The following CEP164 variants were observed in gnomAD, a reference collection of about 807,000 sequenced individuals.
The protein encoded by CEP164 is centrosomal protein 164.
A neutral mutation model predicts 182.7 loss-of-function variants in CEP164; 162 were observed. The observed-to-expected ratio is 0.89, with a 90% CI of 0.78 to 1.01. CEP164 has a LOEUF of 1.01. CEP164 is among the 50% of genes least tolerant of loss of function. The pLI is 0.00. For synonymous variants in CEP164, 661 were observed against 690.0 expected (o/e 0.96, Z 0.66); for missense variants, 1,735 against 1,790.4 (o/e 0.97, Z 0.56).
intron 5 of CEP164, among the ~76,000 whole-genome samples, chr11:117,360,742 A>G (rs1486804603): frequency 1.3e-5 from 2 of 152,152 alleles, no homozygotes; most frequent in Non-Finnish European, 2.9e-5. Flanking sequence ...GGCATATAAG[A>G]AAGTATAGCA....
At chr11:117,359,197 G>C (rs750056549) in intron 5 of CEP164, among the ~76,000 whole-genome samples, 1 of 152,212 alleles carries the variant, frequency 6.6e-6, no homozygotes, top group East Asian at 1.9e-4. Context: ...GCCTGCCTCA[G>C]CCTCTCAAAG....
At chr11:117,328,491 G>T (rs1333343993) in intron 1 of CEP164, among the ~76,000 whole-genome samples, 1 of 152,114 alleles carries the variant, frequency 6.6e-6, no homozygotes, top group African/African-American at 2.4e-5. Flanking sequence ...TGGCTTCAGC[G>T]ACTCCCTGTC....
At chr11:117,378,171 C>G (rs186706518) in intron 11 of CEP164, among the ~76,000 whole-genome samples, 187 of 152,224 alleles carry the variant, frequency 1.2e-3, no homozygotes, top group African/African-American at 4.0e-3. Flanking sequence ...GCTCGGCAAA[C>G]ATAATACATT....
chr11:117,374,797 A>G (rs1310327046), intron 10 of CEP164, among the ~76,000 whole-genome samples: 2 of 152,126 alleles, frequency 1.3e-5, no homozygotes, highest in African/African-American at 4.8e-5. Flanking sequence ...TTCTCTATGG[A>G]AGTAGATGGA....
At chr11:117,396,393 C>T (rs1038941799) in intron 25 of CEP164, among the ~76,000 whole-genome samples, 157 bp from the exon 26 acceptor site, 5 of 152,162 alleles carry the variant, frequency 3.3e-5, no homozygotes, top group African/African-American at 7.2e-5. Context: ...AGCTACCAGT[C>T]GTCTCCACCA....
intron 5 of CEP164, chr11:117,359,484 C>T (rs1311800773): frequency 4.1e-6 from 4 of 985,276 alleles, no homozygotes; most frequent in East Asian, 1.1e-4. Flanking sequence ...ACCTTACTTT[C>T]CTGATGAGCA....
chr11:117,345,839 C>T lies in CEP164; in HGVS notation c.194+1562C>T, dbSNP rs542096993. 2.6e-5 allele frequency among the ~76,000 whole-genome samples: 4 copies of T among 152,200 alleles called. No homozygotes were observed. In the East Asian group the frequency reaches 7.8e-4, roughly 30 times the overall value. ...AGTAGCTGGGATTACAGGCATGCAC[C>T]ACCACACCTGGCTAATTTTGTATTT... On this transcript the variant is annotated intron_variant, in intron 4 of 32. Coordinates refer to ENST00000278935, the MANE Select transcript of CEP164 (RefSeq NM_014956.5).
At chr11:117,404,519 C>T (rs1260266693) in intron 27 of CEP164, among the ~76,000 whole-genome samples, 1 of 152,216 alleles carries the variant, frequency 6.6e-6, no homozygotes, top group Admixed American at 6.5e-5. Flanking sequence ...TTTCCTTCCT[C>T]TGGAAGCTTT....
In CEP164 at chr11:117,412,246, C is replaced by G. The variant is rs1278507968; in HGVS notation, c.*78C>G. 9.0e-6 allele frequency: 12 copies of G among 1,333,886 alleles called. No individual in the cohort carries two copies. The African/African-American group carries it at 1.8e-4, about 20-fold the overall frequency. 82.6% of individuals were successfully genotyped at this position (1,333,886 alleles called of 1,614,324 possible). On this transcript the variant is annotated 3_prime_UTR_variant, in exon 33 of 33. Coordinates refer to ENST00000278935, the MANE Select transcript of CEP164 (RefSeq NM_014956.5). ...TGCCTGAGGAGCTGCCTGCCTTCTT[C>G]CATCTGAGAAAGCACCCTCCTTCCC... is the stretch of plus-strand genomic sequence containing the variant.
At chr11:117,389,800 T>C (rs2044387010) in intron 15 of CEP164, among the ~76,000 whole-genome samples, 1 of 152,118 alleles carries the variant, frequency 6.6e-6, no homozygotes, top group Admixed American at 6.6e-5. Context: ...ACAGAGTCTG[T>C]CGGAGTGAAA....
intron 8 of CEP164, among the ~76,000 whole-genome samples, chr11:117,366,418 T>C (rs1271049707): frequency 6.6e-6 from 1 of 152,056 alleles, no homozygotes; most frequent in African/African-American, 2.4e-5. Flanking sequence ...TCCTCCCTCC[T>C]CTCCTGCTTT....
Position 117,371,201 on chromosome 11 carries a change from C to T in CEP164, c.887C>T (p.Ala296Val). The T allele has an allele frequency of 1.9e-6, 3 of 1,614,220 alleles. No individual in the cohort carries two copies. Among genetic ancestry groups the T allele is most frequent in the Non-Finnish European group, 2.5e-6 (3 of 1,180,046 alleles). The change falls in exon 9 of 33, where the codon GCT (alanine) becomes GTT (valine). Residue 296 changes from alanine (A) to valine (V), a missense_variant. Ala to Val is a moderately conservative substitution (Grantham distance 64). Coordinates refer to ENST00000278935, the MANE Select transcript of CEP164 (RefSeq NM_014956.5). ...GGTGCAGACAGCAGTCTGAGCAGTG[C>T]TGTTGGCAAAGGGCGACAGGGAAGT... ...SPGADSSLSS[A>V]VGKGRQGSGA...
intron 9 of CEP164, among the ~76,000 whole-genome samples, chr11:117,373,167 G>A (rs1184003071): frequency 6.6e-6 from 1 of 152,052 alleles, no homozygotes; most frequent in Admixed American, 6.5e-5. Context: ...TCAGGAGTTC[G>A]AGATCACTGG....
chr11:117,357,435 T>C (rs1317569067), intron 5 of CEP164, among the ~76,000 whole-genome samples: 1 of 125,174 alleles, frequency 8.0e-6, no homozygotes, highest in Non-Finnish European at 1.7e-5. Flanking sequence ...TTTTTTTTTT[T>C]TTTTTTTTGA....
chr11:117,373,139 C>T (rs1393796904), intron 9 of CEP164, among the ~76,000 whole-genome samples: 2 of 152,158 alleles, frequency 1.3e-5, no homozygotes, highest in South Asian at 2.1e-4. Flanking sequence ...GAGGCCAAGG[C>T]GGGTGGATCA....
chr11:117,406,288 GC>G (rs984248950), intron 27 of CEP164, among the ~76,000 whole-genome samples: 5 of 152,170 alleles, frequency 3.3e-5, no homozygotes, highest in Non-Finnish European at 7.4e-5. Context: ...TGAGGAAGAA[GC>G]AAAAGCAGAA....
rs758646071 is a variant in CEP164, at chr11:117,387,992, T to C, written c.1934+580T>C. Among the ~76,000 whole-genome samples, 61 of 152,234 alleles carry C rather than the reference T, an allele frequency of 4.0e-4. 1 individual carries two copies. The highest frequency in any genetic ancestry group is 7.6e-4 in the Non-Finnish European group (52 of 68,032). ...TAGGGTCTGTCCTTATATCACATCC[T>C]TGTGGGTCCTCCACCAGGGAGCATC... On this transcript the variant is annotated intron_variant, in intron 15 of 32. Transcript: ENST00000278935.
intron 8 of CEP164, among the ~76,000 whole-genome samples, chr11:117,369,609 C>G (rs1007686660): frequency 7.9e-5 from 12 of 152,326 alleles, no homozygotes; most frequent in African/African-American, 2.9e-4. Flanking sequence ...TCTCCACTCT[C>G]TAGTCATCAT....
chr11:117,359,569 A>G lies in CEP164; in HGVS notation c.394-2266A>G, dbSNP rs1187664880. On this transcript the variant is annotated intron_variant, in intron 5 of 32. Coordinates refer to ENST00000278935, the MANE Select transcript of CEP164 (RefSeq NM_014956.5). ...CTAGGCTGAGGCTACAGGTGAGAAG[A>G]TGGATCTTCTGAACCTCAGCCTGAC... 3.0e-6 allele frequency: 3 copies of G among 985,260 alleles called. No individual in the cohort carries two copies. In the African/African-American group the frequency reaches 5.2e-5, roughly 17 times the overall value. The allele number at this position is 985,260 out of a possible 1,614,324, so 61.0% of individuals were successfully genotyped here.
Sources: gnomAD v4.1 joint callset for allele counts (sites outside exome capture counted in the v4.1 genomes callset) on GRCh38, gnomAD v4.1.1 for gene constraint, MANE v1.5 for transcripts, NCBI Gene and HGNC (gene_info 2026-07-23, HGNC 2026-07-21) for gene names.